LMNTD1: variants seen among roughly 807,000 people sequenced by gnomAD.
The protein encoded by LMNTD1 is lamin tail domain containing 1.
In LMNTD1, 35 loss-of-function variants were observed where a neutral mutation model predicts 50.9. That is an observed-to-expected ratio of 0.69 (90% confidence interval 0.53 to 0.91). The LOEUF (loss-of-function observed/expected upper bound fraction) is 0.91, where lower values mean the gene tolerates loss of function less well. Among genes scored for constraint, LMNTD1 ranks in the 40% least tolerant of loss-of-function variants. LMNTD1 has a pLI of 0.00. For missense variants in LMNTD1, 470 were observed against 475.5 expected (o/e 0.99, Z 0.11); for synonymous variants, 153 against 161.9 (o/e 0.94, Z 0.42).
At chr12:25,587,758 A>T (rs1346673838) in intron 1 of LMNTD1, among the ~76,000 whole-genome samples, 2 of 152,232 alleles carry the variant, frequency 1.3e-5, no homozygotes. Flanking sequence ...TTCCTTTTTA[A>T]TGGTTAAGGG....
At chr12:25,490,876 G>T (rs1938859041) in intron 9 of LMNTD1, among the ~76,000 whole-genome samples, 1 of 152,224 alleles carries the variant, frequency 6.6e-6, no homozygotes, top group Non-Finnish European at 1.5e-5. Context: ...AGATCTTGGA[G>T]TTCTAACAAA....
rs1591980140 is a variant in LMNTD1, at chr12:25,546,304, C to T, written c.491+70G>A. 3 of 936,130 alleles carry T rather than the reference C, an allele frequency of 3.2e-6. No homozygotes were observed. In the Admixed American group the frequency reaches 8.5e-5, roughly 26 times the overall value. 58.0% of individuals were successfully genotyped at this position (936,130 alleles called of 1,614,324 possible). A position where few individuals can be genotyped will look rare whatever the true frequency, so the allele number is the denominator to read the frequency against. On this transcript the variant is annotated intron_variant, in intron 4 of 9. Coordinates refer to ENST00000458174, the MANE Select transcript of LMNTD1 (RefSeq NM_001145728.2). ...TAATGCATATAACTACAGATTAGAACTTTGTTTTCTGCTGATTTATTGGTC... is the reference window on the plus strand; with the variant it reads ...TAATGCATATAACTACAGATTAGAATTTTGTTTTCTGCTGATTTATTGGTC...
At chr12:25,570,773 T>C (rs768465980) in intron 1 of LMNTD1, among the ~76,000 whole-genome samples, 2 of 152,212 alleles carry the variant, frequency 1.3e-5, no homozygotes, top group Non-Finnish European at 2.9e-5. Flanking sequence ...AAAGAAACTT[T>C]TGCTAGCCCA....
chr12:25,506,602 T>C (rs981024849), intron 8 of LMNTD1, among the ~76,000 whole-genome samples: 8 of 151,924 alleles, frequency 5.3e-5, no homozygotes, highest in Admixed American at 6.6e-5. Context: ...GGATGAATAA[T>C]GGCAACACAA....
chr12:25,589,055 G>A (rs1257135745), intron 1 of LMNTD1, among the ~76,000 whole-genome samples: 1 of 152,046 alleles, frequency 6.6e-6, no homozygotes, highest in Non-Finnish European at 1.5e-5. Flanking sequence ...AAACAACTAG[G>A]GATTATCTAA....
At chr12:25,619,450 A>G (rs772487520) in intron 1 of LMNTD1, among the ~76,000 whole-genome samples, 1 of 152,206 alleles carries the variant, frequency 6.6e-6, no homozygotes, top group African/African-American at 2.4e-5. Flanking sequence ...TGTTAAATGC[A>G]CCATAAACAA....
chr12:25,599,103 A>G (rs2136502115), intron 1 of LMNTD1, among the ~76,000 whole-genome samples: 1 of 152,212 alleles, frequency 6.6e-6, no homozygotes, highest in Middle Eastern at 3.4e-3. Flanking sequence ...TACATTTAAA[A>G]GATCATTCAT....
intron 1 of LMNTD1, among the ~76,000 whole-genome samples, chr12:25,619,954 C>G (rs1592111481): frequency 6.6e-6 from 1 of 152,162 alleles, no homozygotes; most frequent in African/African-American, 2.4e-5. Context: ...AGTGCCCAGC[C>G]CTTCAAGGGA....
At chr12:25,501,631 G>C (rs369830370) in intron 9 of LMNTD1, among the ~76,000 whole-genome samples, 4 of 152,192 alleles carry the variant, frequency 2.6e-5, no homozygotes, top group East Asian at 3.9e-4. Flanking sequence ...TGATCTGAAG[G>C]TTCTTTAGCT....
intron 1 of LMNTD1, among the ~76,000 whole-genome samples, chr12:25,599,910 A>G (rs1025740051): frequency 6.6e-6 from 1 of 152,026 alleles, no homozygotes; most frequent in African/African-American, 2.4e-5. Context: ...TCCCTGTCAA[A>G]ATACCAATGA....
intron 1 of LMNTD1, among the ~76,000 whole-genome samples, chr12:25,596,677 T>C (rs536515391): frequency 6.6e-6 from 1 of 151,970 alleles, no homozygotes; most frequent in South Asian, 2.1e-4. Flanking sequence ...AGTACTTCAA[T>C]AGAAAGAAAA....
chr12:25,524,145 C>G (rs1040272865), intron 6 of LMNTD1, among the ~76,000 whole-genome samples: 2 of 152,178 alleles, frequency 1.3e-5, no homozygotes, highest in Admixed American at 6.5e-5. Flanking sequence ...TTCTCATGCT[C>G]TCCTTTACAG....
intron 1 of LMNTD1, among the ~76,000 whole-genome samples, chr12:25,645,736 T>C (rs1947056098): frequency 6.6e-6 from 1 of 152,252 alleles, no homozygotes; most frequent in African/African-American, 2.4e-5. Flanking sequence ...TCAGACTTTC[T>C]GAACCCTTCT....
At chr12:25,593,802 A>G (rs969887739) in intron 1 of LMNTD1, among the ~76,000 whole-genome samples, 1 of 127,004 alleles carries the variant, frequency 7.9e-6, no homozygotes, top group African/African-American at 3.7e-5. Flanking sequence ...AAGGAAATTA[A>G]AAAAAAAAAA....
chr12:25,591,584 A>T, intron 1 of LMNTD1, among the ~76,000 whole-genome samples: 1 of 152,158 alleles, frequency 6.6e-6, no homozygotes, highest in East Asian at 1.9e-4. Flanking sequence ...GCCTGGGGGA[A>T]CTTGTCACCC....
intron 8 of LMNTD1, among the ~76,000 whole-genome samples, chr12:25,513,899 T>C (rs796824465): frequency 3.3e-5 from 5 of 152,236 alleles, no homozygotes; most frequent in African/African-American, 1.2e-4. Flanking sequence ...AAAATATCAA[T>C]GAAAGCCATG....
intron 3 of LMNTD1, chr12:25,547,237 C>T (rs866021290): frequency 7.8e-5 from 73 of 936,302 alleles, no homozygotes; most frequent in Middle Eastern, 5.4e-4. Context: ...TACAAAGACG[C>T]GTCGTGATGA....
intron 4 of LMNTD1, among the ~76,000 whole-genome samples, chr12:25,544,391 T>A (rs1422610429): frequency 6.6e-6 from 1 of 151,772 alleles, no homozygotes; most frequent in East Asian, 1.9e-4. Context: ...TCCTACTCTT[T>A]TTTGGTTTCC....
chr12:25,476,378 T>C lies in LMNTD1; in HGVS notation c.*105A>G, dbSNP rs979788141. ...GTGATGTCTTCACCCTCTCATGGAA[T>C]AGCAGGGAGGTTGCAGAGCAGGCCT... On this transcript the variant is annotated 3_prime_UTR_variant, in exon 10 of 10. Coordinates refer to ENST00000458174, the MANE Select transcript of LMNTD1 (RefSeq NM_001145728.2). 1.3e-5 allele frequency: 2 copies of C among 152,216 alleles called. No individual in the cohort carries two copies. The highest frequency in any genetic ancestry group is 6.5e-5 in the Admixed American group (1 of 15,282). The allele number at this position is 152,216 out of a possible 1,614,324, so 9.4% of individuals were successfully genotyped here. A position where few individuals can be genotyped will look rare whatever the true frequency, so the allele number is the denominator to read the frequency against.
Sources: gnomAD v4.1 joint callset for allele counts (sites outside exome capture counted in the v4.1 genomes callset) on GRCh38, gnomAD v4.1.1 for gene constraint, MANE v1.5 for transcripts, NCBI Gene and HGNC (gene_info 2026-07-23, HGNC 2026-07-21) for gene names.